The following CDH18 variants were observed in gnomAD, a reference collection of about 807,000 sequenced individuals.
CDH18 encodes the protein cadherin-18.
Under a neutral mutation model 67.9 loss-of-function variants are expected in CDH18, and 31 were observed. That is an observed-to-expected ratio of 0.46 (90% CI 0.34 to 0.62). CDH18 has a LOEUF of 0.62. Ranked by LOEUF, CDH18 falls within the 20% of genes least tolerant of loss-of-function variation. The probability of loss-of-function intolerance (pLI) is 0.01; values close to 1 mark genes in which losing one functional copy is unlikely to be tolerated. For missense variants in CDH18, 890 were observed against 975.5 expected, an observed-to-expected ratio of 0.91 and a Z score of 1.17; for synonymous variants, 362 against 347.2, an observed-to-expected ratio of 1.04 and a Z score of -0.48.
intron 1 of CDH18, among the ~76,000 whole-genome samples, chr5:20,262,584 A>C (rs1744734507): frequency 6.7e-6 from 1 of 150,250 alleles, no homozygotes; most frequent in Non-Finnish European, 1.5e-5. Flanking sequence ...AGAGACTGTC[A>C]GGGGTGTTCG....
At chr5:20,533,017 T>C in intron 1 of CDH18, among the ~76,000 whole-genome samples, 1 of 152,028 alleles carries the variant, frequency 6.6e-6, no homozygotes, top group Non-Finnish European at 1.5e-5. Context: ...GAGACATCTT[T>C]CCAGCGGTGA....
chr5:19,838,732 A>T (rs1212588552), intron 3 of CDH18, 27 bp downstream of exon 3: 1 of 1,534,048 alleles, frequency 6.5e-7, no homozygotes, highest in Admixed American at 1.7e-5. Flanking sequence ...CAGGATAGAA[A>T]AAACAGCAAA....
chr5:19,549,781 G>GAAGA (rs1293581050), intron 8 of CDH18, among the ~76,000 whole-genome samples: 1 of 119,898 alleles, frequency 8.3e-6, no homozygotes, highest in African/African-American at 3.2e-5. Flanking sequence ...AGAAAGAAAG[G>GAAGA]AAGAAAGAAA....
At chr5:20,015,487 T>C (rs1230994098) in intron 2 of CDH18, among the ~76,000 whole-genome samples, 1 of 152,120 alleles carries the variant, frequency 6.6e-6, no homozygotes, top group Non-Finnish European at 1.5e-5. Context: ...TAGAAAAACT[T>C]AGAAAGACTA....
At chr5:19,804,351 G>A (rs1236982243) in intron 3 of CDH18, among the ~76,000 whole-genome samples, 1 of 151,706 alleles carries the variant, frequency 6.6e-6, no homozygotes, top group African/African-American at 2.4e-5. Context: ...CCTAAAATGT[G>A]TACTTGACAA....
chr5:19,949,149 C>T (rs972057063), intron 2 of CDH18, among the ~76,000 whole-genome samples: 2 of 152,010 alleles, frequency 1.3e-5, no homozygotes, highest in South Asian at 2.1e-4. Flanking sequence ...CTTCTCTGGG[C>T]GCAGAAAAAT....
intron 3 of CDH18, among the ~76,000 whole-genome samples, chr5:19,811,493 T>C (rs1561352899): frequency 6.6e-6 from 1 of 152,064 alleles, no homozygotes; most frequent in Admixed American, 6.6e-5. Context: ...CCAATCCTGC[T>C]CACCTCATGA....
At chr5:19,620,085 T>C (rs766075529) in intron 5 of CDH18, among the ~76,000 whole-genome samples, 3 of 152,234 alleles carry the variant, frequency 2.0e-5, no homozygotes, top group Non-Finnish European at 4.4e-5. Flanking sequence ...CTATGACTCA[T>C]GGAATTAGCA....
At chr5:19,591,369 T>A (rs139866571) in intron 6 of CDH18, 125 bp from the exon 7 acceptor site, 5,419 of 496,924 alleles carry the variant, frequency 0.011, 51 homozygotes, top group Non-Finnish European at 0.012. Flanking sequence ...TCAAATGGAC[T>A]TTTTTAGATT....
intron 1 of CDH18, among the ~76,000 whole-genome samples, chr5:20,324,417 T>G (rs1362461484): frequency 1.3e-5 from 2 of 152,140 alleles, no homozygotes; most frequent in African/African-American, 2.4e-5. Context: ...GGCGGGTGCC[T>G]GTAGTCCCAG....
At chr5:19,488,513 C>T (rs973744145) in intron 11 of CDH18, among the ~76,000 whole-genome samples, 1 of 152,192 alleles carries the variant, frequency 6.6e-6, no homozygotes, top group East Asian at 1.9e-4. Context: ...TACGGCTCAA[C>T]TTCCACCAGA....
intron 1 of CDH18, among the ~76,000 whole-genome samples, chr5:20,567,504 C>T (rs61441877): frequency 0.15 from 23,271 of 152,130 alleles, 1,959 homozygotes; most frequent in African/African-American, 0.21. Flanking sequence ...CACAGTGAGG[C>T]TAGTTTTAGG....
At chr5:20,163,163 G>A (rs1053824833) in intron 2 of CDH18, among the ~76,000 whole-genome samples, 1 of 151,840 alleles carries the variant, frequency 6.6e-6, no homozygotes, top group Non-Finnish European at 1.5e-5. Flanking sequence ...TATTTCTTGA[G>A]GTATTTTAAA....
chr5:19,492,691 G>A (rs948263391), intron 11 of CDH18, among the ~76,000 whole-genome samples: 13 of 151,652 alleles, frequency 8.6e-5, no homozygotes, highest in Admixed American at 3.3e-4. Context: ...ATTAATTAAC[G>A]ATAAAAATAA....
intron 1 of CDH18, among the ~76,000 whole-genome samples, chr5:20,462,030 G>A (rs928841474): frequency 6.6e-6 from 1 of 151,970 alleles, no homozygotes; most frequent in African/African-American, 2.4e-5. Context: ...TGTATCCAAA[G>A]GAAAATAAAT....
intron 1 of CDH18, among the ~76,000 whole-genome samples, chr5:20,470,720 T>C (rs1159564897): frequency 6.6e-6 from 1 of 152,158 alleles, no homozygotes; most frequent in Admixed American, 6.5e-5. Context: ...AAGTCTCTCC[T>C]CCTTTTGACA....
intron 2 of CDH18, among the ~76,000 whole-genome samples, chr5:19,873,606 C>T (rs1364898887): frequency 6.6e-6 from 1 of 152,052 alleles, no homozygotes; most frequent in Non-Finnish European, 1.5e-5. Flanking sequence ...AAAAATGATG[C>T]ATTATCAACT....
intron 2 of CDH18, among the ~76,000 whole-genome samples, chr5:20,050,650 A>C (rs2150489427): frequency 6.6e-6 from 1 of 151,978 alleles, no homozygotes; most frequent in South Asian, 2.1e-4. Context: ...ACTGTACCAG[A>C]TTATTATATT....
intron 5 of CDH18, among the ~76,000 whole-genome samples, chr5:19,702,244 G>A (rs866946418): frequency 1.9e-4 from 28 of 150,822 alleles, no homozygotes; most frequent in Middle Eastern, 3.4e-3. Context: ...CGCCTCCAGG[G>A]TTCAAGCGAT....
Sources: allele counts gnomAD v4.1 joint callset (sites outside exome capture counted in the v4.1 genomes callset), GRCh38; gene constraint gnomAD v4.1.1; transcripts MANE v1.5; gene names NCBI Gene and HGNC (gene_info 2026-07-23, HGNC 2026-07-21).